GAD2: variants seen among roughly 807,000 people sequenced by gnomAD.
The protein encoded by GAD2 is glutamate decarboxylase 2.
GAD2 carries 22 observed loss-of-function variants against 80.1 expected under a neutral mutation model. The ratio of observed to expected loss-of-function variants is 0.27; its 90% CI spans 0.20 to 0.39. The LOEUF (loss-of-function observed/expected upper bound fraction) is 0.39, where lower values mean the gene tolerates loss of function less well. GAD2 is among the 10% of genes least tolerant of loss of function. GAD2 has a pLI of 1.00. For missense variants in GAD2, 624 were observed against 738.4 expected (o/e 0.85, Z 1.80); for synonymous variants, 274 against 256.9 (o/e 1.07, Z -0.64).
chr10:26,275,049 G>A (rs948621690), intron 11 of GAD2, among the ~76,000 whole-genome samples: 1 of 152,170 alleles, frequency 6.6e-6, no homozygotes, highest in Admixed American at 6.5e-5. Context: ...GGACCCTTGG[G>A]GCTTCTCTCA....
At chr10:26,295,720 G>T (rs1270522692) in intron 15 of GAD2, among the ~76,000 whole-genome samples, 1 of 152,108 alleles carries the variant, frequency 6.6e-6, no homozygotes, top group Non-Finnish European at 1.5e-5. Flanking sequence ...TGTGCCCAAT[G>T]GCTGTTTTAT....
intron 8 of GAD2, among the ~76,000 whole-genome samples, chr10:26,265,369 T>C (rs1002053489): frequency 2.2e-4 from 34 of 152,132 alleles, no homozygotes; most frequent in African/African-American, 7.2e-5. Flanking sequence ...CATGCCCAGC[T>C]AATTTTTGCA....
chr10:26,281,216 C>A, intron 12 of GAD2, 129 bp downstream of exon 12: 1 of 596,628 alleles, frequency 1.7e-6, no homozygotes. Context: ...CCCCAGAGAG[C>A]CCTTTCTAGA....
intron 7 of GAD2, among the ~76,000 whole-genome samples, chr10:26,238,448 A>G (rs1844702122): frequency 6.6e-6 from 1 of 152,224 alleles, no homozygotes; most frequent in Non-Finnish European, 1.5e-5. Flanking sequence ...CTGAAGACAT[A>G]CTCACTACTG....
intron 7 of GAD2, among the ~76,000 whole-genome samples, chr10:26,244,699 A>T (rs573394321): frequency 6.6e-5 from 10 of 152,282 alleles, no homozygotes; most frequent in Admixed American, 5.2e-4. Context: ...CAGAAAATGG[A>T]ATGGTGGTAT....
chr10:26,226,386 T>A (rs1023487755), intron 6 of GAD2, among the ~76,000 whole-genome samples: 1 of 152,214 alleles, frequency 6.6e-6, no homozygotes, highest in Non-Finnish European at 1.5e-5. Flanking sequence ...AATTATAGGC[T>A]TCCTTGGAGC....
upstream of GAD2, chr10:26,216,753 G>A (rs1844376210): frequency 1.3e-6 from 2 of 1,520,164 alleles, no homozygotes; most frequent in Non-Finnish European, 1.8e-6. The surrounding 1 kb of genome is among the most constrained non-coding windows in gnomAD (Gnocchi z 4.7). Context: ...GGCCAAGCCC[G>A]AGGCAGCTCG....
At chr10:26,277,210 A>C (rs748321670) in intron 11 of GAD2, among the ~76,000 whole-genome samples, 19 of 152,232 alleles carry the variant, frequency 1.2e-4, no homozygotes, top group Non-Finnish European at 2.4e-4. Context: ...ACAAGTGTGA[A>C]AGTGCACAGT....
chr10:26,269,823 C>T (rs1417349194), intron 9 of GAD2, among the ~76,000 whole-genome samples: 1 of 152,166 alleles, frequency 6.6e-6, no homozygotes, highest in Non-Finnish European at 1.5e-5. Flanking sequence ...TAATGATTTA[C>T]GTTCATATGC....
chr10:26,246,005 G>A lies in GAD2; in HGVS notation c.920+5G>A. The stretch of plus-strand genomic sequence containing the variant: ...TCTGATTAAATGTGATGAGAGGTGA[G>A]CACGCATCGGCAACTCTTGTTGGTT... On this transcript the variant is annotated splice_donor_5th_base_variant and intron_variant, in intron 8 of 15. Coordinates refer to ENST00000376261, the MANE Select transcript of GAD2 (RefSeq NM_001134366.2). 1 of 1,612,498 alleles carries A rather than the reference G, an allele frequency of 6.2e-7. No individual in the cohort carries two copies. The highest frequency in any genetic ancestry group is 8.5e-7 in the Non-Finnish European group (1 of 1,178,720).
chr10:26,258,730 A>G (rs1233635092), intron 8 of GAD2, among the ~76,000 whole-genome samples: 2 of 151,998 alleles, frequency 1.3e-5, no homozygotes, highest in African/African-American at 4.8e-5. Context: ...TTAAGGCTGA[A>G]TAATATTCCA....
In GAD2 at chr10:26,217,909, C is replaced by T. The variant is rs760183838; in HGVS notation, c.204C>T (p.Ala68=). The part of the protein sequence containing the change: ...SGGSQPPRAA[A]RKAACACDQK... ...GGAGCCAACCCCCGCGGGCCGCCGC[C>T]CGGAAGGCCGCCTGCGCCTGCGACC... The change falls in exon 3 of 16, where the codon GCC becomes GCT. Residue 68 remains alanine (A), a synonymous_variant. Transcript: ENST00000376261. This position sits in a 1 kb window ranked among gnomAD's most constrained non-coding sequence, Gnocchi z 4.9. The T allele has an allele frequency of 1.9e-6, 3 of 1,610,746 alleles. No homozygotes were observed. The highest frequency in any genetic ancestry group is 4.5e-5 in the East Asian group (2 of 44,794).
intron 14 of GAD2, 135 bp from the exon 15 acceptor site, chr10:26,292,767 C>A (rs2132320363): frequency 2.3e-6 from 2 of 872,044 alleles, no homozygotes; most frequent in Non-Finnish European, 3.8e-6. Flanking sequence ...CAAAATCATG[C>A]CCTCCAATGG....
intron 3 of GAD2, 179 bp downstream of exon 3, chr10:26,218,170 G>C: frequency 1.6e-6 from 1 of 635,244 alleles, no homozygotes; most frequent in Admixed American, 3.7e-5. Flanking sequence ...CTGGGTCCAA[G>C]CCCCCGAACC....
intron 8 of GAD2, among the ~76,000 whole-genome samples, chr10:26,247,928 A>G (rs1372028815): frequency 2.6e-5 from 4 of 151,358 alleles, no homozygotes; most frequent in East Asian, 1.9e-4. Flanking sequence ...AGAAAAAAAA[A>G]AAAGAAAGCT....
rs1335531820 is a variant in GAD2, at chr10:26,219,331, A to AT, written c.520+62dup. 6.1e-6 allele frequency: 7 copies of AT among 1,153,988 alleles called. No homozygotes were observed. The Admixed American group carries it at 7.8e-5, about 13-fold the overall frequency. The allele number at this position is 1,153,988 out of a possible 1,614,324, so 71.5% of individuals were successfully genotyped here. The stretch of plus-strand genomic sequence containing the variant: ...TTTTTTCGTTTACAATTTTTATTTT[A>AT]TTTTTTTCTATAAAATGTTTTGTTT... On this transcript the variant is annotated intron_variant, in intron 4 of 15. Transcript: ENST00000376261.
chr10:26,281,799 C>G (rs942299046), intron 12 of GAD2, among the ~76,000 whole-genome samples: 5 of 152,076 alleles, frequency 3.3e-5, no homozygotes, highest in African/African-American at 1.2e-4. Flanking sequence ...GACGCCAGGC[C>G]GGACTCATAG....
rs895665967 is a variant in GAD2, at chr10:26,216,993, C to T, written c.76+108C>T. 1.4e-5 allele frequency: 13 copies of T among 913,194 alleles called. No homozygotes were observed. Among genetic ancestry groups the T allele is most frequent in the Non-Finnish European group, 2.2e-5 (13 of 587,086 alleles). 56.6% of individuals were successfully genotyped at this position (913,194 alleles called of 1,614,324 possible). On this transcript the variant is annotated intron_variant, in intron 1 of 15. Transcript: ENST00000376261. This position sits in a 1 kb window ranked among gnomAD's most constrained non-coding sequence, Gnocchi z 4.7. ...TTTTTCCACCTGCAACAGGAAACTT[C>T]TTCGGGCGCTTCTCCCTGCTTTTGG... is the stretch of plus-strand genomic sequence containing the variant.
chr10:26,270,816 C>A, intron 10 of GAD2, 60 bp downstream of exon 10: 4 of 1,060,722 alleles, frequency 3.8e-6, no homozygotes, highest in Admixed American at 1.8e-5. Flanking sequence ...ATGTGGGACA[C>A]ACAAAGGAAA....
Sources: allele counts gnomAD v4.1 joint callset (sites outside exome capture counted in the v4.1 genomes callset), GRCh38; gene constraint gnomAD v4.1.1; non-coding constraint Gnocchi (gnomAD v3.1); transcripts MANE v1.5; gene names NCBI Gene and HGNC (gene_info 2026-07-23, HGNC 2026-07-21).